COBL: variants seen among roughly 807,000 people sequenced by gnomAD.
COBL encodes the protein protein cordon-bleu.
A neutral mutation model predicts 98.8 loss-of-function variants in COBL; 51 were observed. The observed-to-expected ratio is 0.52, with a 90% CI of 0.41 to 0.65. The LOEUF (loss-of-function observed/expected upper bound fraction) is 0.65. Ranked by LOEUF, COBL falls within the 30% of genes least tolerant of loss-of-function variation. The pLI is 0.00. For synonymous variants in COBL, 634 were observed against 651.7 expected (o/e 0.97, Z 0.41); for missense variants, 1,617 against 1,617.5 (o/e 1.00, Z 0.01).
intron 1 of COBL, among the ~76,000 whole-genome samples, chr7:51,268,602 T>A (rs1798441346): frequency 6.6e-6 from 1 of 152,122 alleles, no homozygotes; most frequent in South Asian, 2.1e-4. Context: ...AGTAATTCCC[T>A]TTTGCAGATG....
intron 1 of COBL, among the ~76,000 whole-genome samples, chr7:51,278,236 T>C (rs1021419283): frequency 2.0e-5 from 3 of 152,076 alleles, no homozygotes; most frequent in Non-Finnish European, 4.4e-5. Context: ...ATCTGGAGAT[T>C]AGCTGAATTG....
At chr7:51,089,578 G>A (rs1794617129) in intron 6 of COBL, among the ~76,000 whole-genome samples, 12 of 152,164 alleles carry the variant, frequency 7.9e-5, no homozygotes, top group Admixed American at 7.9e-4. Flanking sequence ...GTCATCAGTG[G>A]CCATTGCTTC....
At chr7:51,282,624 C>A (rs1376679607) in intron 1 of COBL, among the ~76,000 whole-genome samples, 10 of 151,980 alleles carry the variant, frequency 6.6e-5, no homozygotes, top group Admixed American at 5.9e-4. Context: ...TACTCTCTTA[C>A]AAATCAATAC....
intron 1 of COBL, chr7:51,316,247 C>G: frequency 4.8e-6 from 1 of 207,436 alleles, no homozygotes; most frequent in Non-Finnish European, 9.6e-6. Flanking sequence ...ACCCCTACGG[C>G]AAACACTTGG....
chr7:51,281,437 T>TC (rs1303218195), intron 1 of COBL, among the ~76,000 whole-genome samples: 1 of 152,062 alleles, frequency 6.6e-6, no homozygotes, highest in African/African-American at 2.4e-5. Flanking sequence ...GAAAACAGAT[T>TC]CAAGTAGTTC....
intron 5 of COBL, among the ~76,000 whole-genome samples, chr7:51,142,236 TAGA>T (rs1645831617): frequency 1.3e-5 from 2 of 151,982 alleles, no homozygotes; most frequent in African/African-American, 4.8e-5. Flanking sequence ...TTTAAGTATT[TAGA>T]AGAAGAAAAG....
intron 1 of COBL, among the ~76,000 whole-genome samples, chr7:51,272,544 A>G (rs182355153): frequency 4.5e-4 from 68 of 152,318 alleles, no homozygotes; most frequent in African/African-American, 1.6e-3. Context: ...TTAAATTTGG[A>G]GCTTTAAAAA....
chr7:51,305,872 A>G (rs1188221011), intron 1 of COBL, among the ~76,000 whole-genome samples: 1 of 152,104 alleles, frequency 6.6e-6, no homozygotes, highest in Non-Finnish European at 1.5e-5. Flanking sequence ...CGTCTCTACT[A>G]AAATACAAAA....
chr7:51,156,606 A>T, intron 5 of COBL: 2 of 983,824 alleles, frequency 2.0e-6, no homozygotes, highest in Non-Finnish European at 2.4e-6. Flanking sequence ...CTCACCCCAC[A>T]TGGAGGGTCA....
chr7:51,288,307 G>A (rs897099317), intron 1 of COBL, among the ~76,000 whole-genome samples: 2 of 150,240 alleles, frequency 1.3e-5, no homozygotes, highest in Non-Finnish European at 3.0e-5. Flanking sequence ...GGTGGCAGGC[G>A]CCTGTAGTCC....
rs527539383 is a variant in COBL, at chr7:51,194,750, G to A, written c.246-1161C>T. 3.9e-4 allele frequency among the ~76,000 whole-genome samples: 60 copies of A among 152,080 alleles called. 2 individuals carry two copies. Among genetic ancestry groups the A allele is most frequent in the Non-Finnish European group, 4.1e-4 (28 of 67,990 alleles). On this transcript the variant is annotated intron_variant, in intron 2 of 12. Transcript: ENST00000265136. ...TTTTTTTCATGTTTGTTGGCCTCATGTGTGTCTTCTTTTGAAAAGTGTCTG... is the reference window on the plus strand; with the variant it reads ...TTTTTTTCATGTTTGTTGGCCTCATATGTGTCTTCTTTTGAAAAGTGTCTG...
At chr7:51,183,377 T>C (rs1004562803) in intron 5 of COBL, among the ~76,000 whole-genome samples, 2 of 152,226 alleles carry the variant, frequency 1.3e-5, no homozygotes, top group African/African-American at 4.8e-5. Flanking sequence ...AAAATATACT[T>C]GTGAAGCAAA....
intron 1 of COBL, among the ~76,000 whole-genome samples, chr7:51,237,550 A>AAAC (rs1205571351): frequency 1.3e-5 from 2 of 151,518 alleles, no homozygotes; most frequent in African/African-American, 2.4e-5. Context: ...AAAAAAAAAA[A>AAAC]AAAAAACTTC....
chr7:51,299,955 C>T (rs753006893), intron 1 of COBL, among the ~76,000 whole-genome samples: 3 of 152,174 alleles, frequency 2.0e-5, no homozygotes, highest in East Asian at 1.9e-4. Context: ...TAGTGGTGCA[C>T]TCATCTTACT....
At chr7:51,296,016 T>C (rs145231772) in intron 1 of COBL, among the ~76,000 whole-genome samples, 9 of 152,320 alleles carry the variant, frequency 5.9e-5, no homozygotes, top group African/African-American at 1.4e-4. Context: ...AGGCCTTCCA[T>C]AAAAATAAAC....
intron 2 of COBL, among the ~76,000 whole-genome samples, chr7:51,194,013 T>C (rs1225584037): frequency 1.3e-5 from 2 of 152,192 alleles, no homozygotes; most frequent in African/African-American, 2.4e-5. Flanking sequence ...GCTAAACTTG[T>C]GTCATGGGGG....
rs1562883788 is a variant in COBL at position 51,081,092 on chromosome 7, CA to C, written c.1096+4073del. The stretch of plus-strand genomic sequence containing the variant: ...TGCGCTGGCAGCCAGGAGCGCGGGG[CA>C]GGAGCGGGGCAGGAGAGGGAGGGGA... On this transcript the variant is annotated intron_variant, in intron 7 of 12. Coordinates refer to ENST00000265136, the MANE Select transcript of COBL (RefSeq NM_015198.5). Among the ~76,000 whole-genome samples, 571 of 152,050 alleles carry C rather than the reference CA, an allele frequency of 3.8e-3. 4 individuals are homozygous for C. The highest frequency in any genetic ancestry group is 0.013 in the African/African-American group (558 of 41,474).
intron 7 of COBL, among the ~76,000 whole-genome samples, chr7:51,048,145 G>A (rs1273403981): frequency 3.3e-5 from 5 of 152,112 alleles, no homozygotes; most frequent in African/African-American, 1.2e-4. Flanking sequence ...CAGCCTGGGC[G>A]ACAGAGCAAG....
intron 7 of COBL, among the ~76,000 whole-genome samples, chr7:51,044,252 C>T (rs1486001723): frequency 6.6e-6 from 1 of 152,118 alleles, no homozygotes; most frequent in African/African-American, 2.4e-5. Flanking sequence ...GGTTACCTGG[C>T]TCCTATGCAC....
Sources: allele counts gnomAD v4.1 joint callset (sites outside exome capture counted in the v4.1 genomes callset), GRCh38; gene constraint gnomAD v4.1.1; transcripts MANE v1.5; gene names NCBI Gene and HGNC (gene_info 2026-07-23, HGNC 2026-07-21).